The following PI4KB variants were observed in gnomAD, a reference collection of about 807,000 sequenced individuals.
The protein encoded by PI4KB is phosphatidylinositol 4-kinase beta.
In PI4KB, 23 loss-of-function variants were observed where a neutral mutation model predicts 81.4. The observed-to-expected ratio is 0.28, with a 90% CI of 0.20 to 0.40. The LOEUF is 0.40. Ranked by LOEUF, PI4KB falls within the 10% of genes least tolerant of loss-of-function variation. The pLI is 1.00. For missense variants in PI4KB, 651 were observed against 1,036.6 expected (o/e 0.63, Z 5.11); for synonymous variants, 381 against 406.8 (o/e 0.94, Z 0.76).
At chr1:151,317,238 C>T (rs1386189792) in intron 1 of PI4KB, among the ~76,000 whole-genome samples, 1 of 151,120 alleles carries the variant, frequency 6.6e-6, no homozygotes, top group Admixed American at 6.6e-5. Context: ...CTCCTGGGCT[C>T]AAGCAAGCCT....
chr1:151,293,048 C>CG lies in PI4KB; in HGVS notation c.2270-16dup, dbSNP rs1385644700. Reference sequence around the variant, plus strand: ...AAGCTGAGAACCTGGGGGAAGCAGTCGGAGTTCAGGGTCATGGATGGACGG... The same window carrying CG: ...AAGCTGAGAACCTGGGGGAAGCAGTCGGGAGTTCAGGGTCATGGATGGACGG... On this transcript the variant is annotated splice_polypyrimidine_tract_variant and intron_variant, in intron 11 of 11. Transcript: ENST00000368873. 9.9e-6 allele frequency: 16 copies of CG among 1,612,992 alleles called. No homozygotes were observed. The highest frequency in any genetic ancestry group is 1.3e-5 in the African/African-American group (1 of 74,886).
At chr1:151,317,747 T>A (rs953687419) in intron 1 of PI4KB, among the ~76,000 whole-genome samples, 4 of 152,186 alleles carry the variant, frequency 2.6e-5, no homozygotes, top group Non-Finnish European at 4.4e-5. Flanking sequence ...CTTTTTATTT[T>A]CCACTTTAGA....
intron 6 of PI4KB, chr1:151,303,211 G>A: frequency 4.4e-6 from 1 of 229,596 alleles, no homozygotes; most frequent in South Asian, 6.3e-5. Context: ...GTGTTAGCCA[G>A]GATGGTCTCG....
intron 1 of PI4KB, among the ~76,000 whole-genome samples, chr1:151,323,015 T>G (rs1365671037): frequency 6.6e-6 from 1 of 152,094 alleles, no homozygotes; most frequent in Non-Finnish European, 1.5e-5. Context: ...GAAACCAATA[T>G]CTGACGTTCA....
At chr1:151,326,431 G>A (rs1322166792) in intron 1 of PI4KB, 7 of 445,448 alleles carry the variant, frequency 1.6e-5, no homozygotes, top group Non-Finnish European at 4.0e-6. Flanking sequence ...GAAGCCCACG[G>A]GAAAAACAGA....
chr1:151,307,440 T>G, intron 4 of PI4KB, 134 bp downstream of exon 4: 1 of 631,482 alleles, frequency 1.6e-6, no homozygotes, highest in South Asian at 1.9e-5. Flanking sequence ...GAGTCATGGT[T>G]GACATATGCA....
chr1:151,309,086 T>C (rs1431933245), intron 3 of PI4KB, among the ~76,000 whole-genome samples: 1 of 152,148 alleles, frequency 6.6e-6, no homozygotes, highest in Non-Finnish European at 1.5e-5. Flanking sequence ...TAAGTGACAT[T>C]GTTGAAAAGA....
At chr1:151,313,413 T>C (rs1222148946) in intron 2 of PI4KB, among the ~76,000 whole-genome samples, 1 of 152,060 alleles carries the variant, frequency 6.6e-6, no homozygotes, top group Non-Finnish European at 1.5e-5. Context: ...GGGAGTTAGA[T>C]GTAAGGAAAG....
chr1:151,301,879 C>A lies in PI4KB; in HGVS notation c.1714G>T (p.Glu572Ter). The change falls in exon 8 of 12, where the codon GAG (glutamate) becomes TAG (stop). Residue 572 changes from glutamate (E) to a stop codon, truncating the protein, a stop_gained. Transcript: ENST00000368873. LOFTEE classifies it high-confidence loss of function. Reference sequence around the variant, plus strand: ...TTCAACACCTGAAAGGCCAGAAGCTCTTGCCGAAGGTCATCCCCACACTTG... The same window carrying A: ...TTCAACACCTGAAAGGCCAGAAGCTATTGCCGAAGGTCATCCCCACACTTG... ...IVKCGDDLRQ[E>*]LLAFQVLKQL... 1 of 1,614,120 alleles carries A rather than the reference C, an allele frequency of 6.2e-7. No homozygotes were observed. The highest frequency in any genetic ancestry group is 8.5e-7 in the Non-Finnish European group (1 of 1,180,020).
intron 2 of PI4KB, among the ~76,000 whole-genome samples, chr1:151,311,345 C>T (rs1428359665): frequency 6.6e-6 from 1 of 152,198 alleles, no homozygotes; most frequent in African/African-American, 2.4e-5. Context: ...TGGTGAGTTT[C>T]TACTCTGAAA....
chr1:151,310,335 C>A, intron 2 of PI4KB, 80 bp from the exon 3 acceptor site: 1 of 928,146 alleles, frequency 1.1e-6, no homozygotes, highest in Non-Finnish European at 1.7e-6. Flanking sequence ...GAATTTAGCT[C>A]CAACTTGGAT....
In PI4KB at chr1:151,327,260, G is replaced by T; in HGVS notation, c.-29+11C>A. 3.6e-6 allele frequency: 1 copy of T among 276,226 alleles called. No homozygotes were observed. The highest frequency in any genetic ancestry group is 1.7e-4 in the South Asian group (1 of 6,006). The allele number at this position is 276,226 out of a possible 1,614,324, so 17.1% of individuals were successfully genotyped here. On this transcript the variant is annotated intron_variant, in intron 1 of 11. Transcript: ENST00000368873. ...AGGGCAAAGGTGACTCATGAAGGAG[G>T]AGTAGCTTACCTCTGGGGGACCCCC...
At chr1:151,303,728 C>G in intron 5 of PI4KB, 78 bp from the exon 6 acceptor site, 1 of 885,510 alleles carries the variant, frequency 1.1e-6, no homozygotes, top group Non-Finnish European at 1.9e-6. Flanking sequence ...CTTGCTATCA[C>G]TGCAGCATGC....
intron 11 of PI4KB, 49 bp downstream of exon 11, chr1:151,293,969 A>C (rs777970605): frequency 1.2e-6 from 2 of 1,610,318 alleles, no homozygotes; most frequent in East Asian, 4.5e-5. Context: ...GCTCCGACTT[A>C]AAGGGGAAGC....
chr1:151,301,753 T>G, intron 8 of PI4KB, 91 bp downstream of exon 8: 2 of 1,245,040 alleles, frequency 1.6e-6, no homozygotes, highest in Non-Finnish European at 2.3e-6. Flanking sequence ...AGGCTGATCT[T>G]GAACTCCCGA....
intron 1 of PI4KB, among the ~76,000 whole-genome samples, chr1:151,321,450 T>C (rs1398817269): frequency 6.6e-6 from 1 of 151,956 alleles, no homozygotes; most frequent in Non-Finnish European, 1.5e-5. Context: ...AGTGGCGCAA[T>C]GTTGGCTCAC....
intron 5 of PI4KB, among the ~76,000 whole-genome samples, chr1:151,305,641 C>T (rs969051601): frequency 7.9e-5 from 12 of 152,190 alleles, no homozygotes; most frequent in African/African-American, 2.9e-4. Flanking sequence ...TCCTTTCCCC[C>T]ATGACTTGAC....
intron 1 of PI4KB, chr1:151,326,266 A>G: frequency 7.2e-7 from 1 of 1,388,442 alleles, no homozygotes; most frequent in Admixed American, 2.0e-5. Context: ...CTTCTTCAAA[A>G]CTTGCTCCGG....
intron 8 of PI4KB, 24 bp from the exon 9 acceptor site, chr1:151,299,097 A>G (rs756949950): frequency 1.9e-6 from 3 of 1,605,744 alleles, no homozygotes; most frequent in Non-Finnish European, 2.6e-6. Context: ...TGGAGGATAC[A>G]GGACTCTTAT....
Sources: allele counts gnomAD v4.1 joint callset (sites outside exome capture counted in the v4.1 genomes callset), GRCh38; gene constraint gnomAD v4.1.1; transcripts MANE v1.5; gene names NCBI Gene and HGNC (gene_info 2026-07-23, HGNC 2026-07-21).